BTBD9: variants seen among roughly 807,000 people sequenced by gnomAD.
The protein encoded by BTBD9 is BTB domain containing 9.
Under a neutral mutation model 64.3 loss-of-function variants are expected in BTBD9, and 49 were observed. The observed-to-expected ratio is 0.76, with a 90% CI of 0.61 to 0.97. The LOEUF (loss-of-function observed/expected upper bound fraction) is 0.97. Ranked by LOEUF, BTBD9 falls within the 50% of genes least tolerant of loss-of-function variation. The pLI, the probability that BTBD9 is intolerant of heterozygous loss-of-function variation, is 0.00. For synonymous variants in BTBD9, 260 were observed against 274.7 expected, an observed-to-expected ratio of 0.95 and a Z score of 0.53; for missense variants, 598 against 762.1, an observed-to-expected ratio of 0.78 and a Z score of 2.53.
intron 6 of BTBD9, among the ~76,000 whole-genome samples, chr6:38,375,605 T>C (rs998038169): frequency 6.6e-6 from 1 of 152,180 alleles, no homozygotes; most frequent in African/African-American, 2.4e-5. Context: ...CTGACAACAA[T>C]ATCAGATCTT....
intron 7 of BTBD9, among the ~76,000 whole-genome samples, chr6:38,342,535 C>CAAAAAA (rs762825969): frequency 1.8e-5 from 1 of 54,864 alleles, no homozygotes; most frequent in Non-Finnish European, 4.2e-5. Context: ...GACTCTGTCT[C>CAAAAAA]AAAAAAAAAA....
chr6:38,586,267 A>AAG (rs1296388653), intron 4 of BTBD9, among the ~76,000 whole-genome samples: 1 of 152,160 alleles, frequency 6.6e-6, no homozygotes, highest in Non-Finnish European at 1.5e-5. Flanking sequence ...CAAATATCCT[A>AAG]AGAAAAAAAA....
chr6:38,281,081 T>C (rs1761496580), intron 8 of BTBD9, among the ~76,000 whole-genome samples: 2 of 152,200 alleles, frequency 1.3e-5, no homozygotes, highest in South Asian at 2.1e-4. Flanking sequence ...AAAACATTAT[T>C]TGAGTCATTA....
chr6:38,344,433 TC>T lies in BTBD9; in HGVS notation c.1264+550del, dbSNP rs1764206518. ...ATAACTTGACTTTTGCAATGACAAT[TC>T]AAAAGTGACAATTCAGTCACTTTGG... On this transcript the variant is annotated intron_variant, in intron 7 of 10. Transcript: ENST00000481247. 2.0e-5 allele frequency among the ~76,000 whole-genome samples: 3 copies of T among 148,232 alleles called. No homozygotes were observed. In the South Asian group the frequency reaches 8.1e-4, roughly 40 times the overall value.
Position 38,580,405 on chromosome 6 carries a change from CAT to C in BTBD9, c.845_846del (p.Tyr282TrpfsTer17), listed in dbSNP as rs1776234468. On this transcript the variant is annotated frameshift_variant, in exon 5 of 11. Coordinates refer to ENST00000481247, the MANE Select transcript of BTBD9 (RefSeq NM_001099272.2). LOFTEE classifies it high-confidence loss of function. ...IPEENIATMK[Y>X]GAQVVKGELK... ...AGCTCCCCCTTTACAACTTGGGCTC[CAT>C]ACTTCATAGTTGCAATGTTTTCTTC... The C allele has an allele frequency of 6.2e-7, 1 of 1,613,994 alleles. No individual in the cohort carries two copies.
intron 1 of BTBD9, among the ~76,000 whole-genome samples, chr6:38,636,223 G>T (rs1778520863): frequency 6.6e-6 from 1 of 152,180 alleles, no homozygotes. Context: ...GCATAACAGA[G>T]ATTTGACCTG....
intron 6 of BTBD9, among the ~76,000 whole-genome samples, chr6:38,560,072 T>G (rs573198909): frequency 2.0e-5 from 3 of 152,072 alleles, no homozygotes; most frequent in African/African-American, 7.2e-5. Context: ...AAAACTGACA[T>G]GTAGGACCTA....
intron 6 of BTBD9, among the ~76,000 whole-genome samples, chr6:38,490,126 T>C (rs537715952): frequency 2.0e-5 from 3 of 152,276 alleles, no homozygotes; most frequent in Admixed American, 6.5e-5. Flanking sequence ...CCACTCAGTG[T>C]TGGCCAGATG....
intron 6 of BTBD9, among the ~76,000 whole-genome samples, chr6:38,380,512 C>G (rs538319986): frequency 6.0e-4 from 91 of 152,168 alleles, no homozygotes; most frequent in Non-Finnish European, 1.1e-3. Flanking sequence ...GGAAATAACT[C>G]TCTTCTAACA....
intron 9 of BTBD9, among the ~76,000 whole-genome samples, chr6:38,250,030 G>T (rs1333212262): frequency 6.6e-6 from 1 of 152,126 alleles, no homozygotes; most frequent in Non-Finnish European, 1.5e-5. Context: ...CCATTCAGGG[G>T]TAATTTTTTA....
At chr6:38,244,890 C>T (rs1764128660) in intron 9 of BTBD9, among the ~76,000 whole-genome samples, 1 of 152,200 alleles carries the variant, frequency 6.6e-6, no homozygotes, top group Non-Finnish European at 1.5e-5. Context: ...TTTACAAGGA[C>T]TACATCACCA....
rs145454935 is a variant in BTBD9 at position 38,251,956 on chromosome 6, C to T, written c.1562+4453G>A. On this transcript the variant is annotated intron_variant, in intron 9 of 10. Coordinates refer to ENST00000481247, the MANE Select transcript of BTBD9 (RefSeq NM_001099272.2). ...GTGCAGGTCAAAGGGTACAGGATTA[C>T]ACTGTATGAAGAAAGAGGGGTAAAA... Among the ~76,000 whole-genome samples the T allele has an allele frequency of 1.4e-3, 205 of 150,562 alleles. 1 individual carries two copies. The highest frequency in any genetic ancestry group is 4.7e-3 in the African/African-American group (191 of 40,984).
intron 8 of BTBD9, among the ~76,000 whole-genome samples, chr6:38,257,263 A>G (rs1931764): frequency 0.56 from 84,364 of 151,266 alleles, 24,059 homozygotes; most frequent in African/African-American, 0.67. Context: ...GACTGCAGGG[A>G]TATGATCATA....
At chr6:38,420,316 C>T (rs904499887) in intron 6 of BTBD9, among the ~76,000 whole-genome samples, 13 of 152,134 alleles carry the variant, frequency 8.5e-5, no homozygotes, top group African/African-American at 3.1e-4. Flanking sequence ...CAGAGTGGCA[C>T]TGAAACGCTT....
intron 8 of BTBD9, among the ~76,000 whole-genome samples, chr6:38,257,399 G>C (rs1275429274): frequency 6.6e-6 from 1 of 151,688 alleles, no homozygotes; most frequent in Non-Finnish European, 1.5e-5. Flanking sequence ...GTCTCGCTAT[G>C]TTGCCCAGGC....
chr6:38,451,637 T>C (rs1232724453), intron 6 of BTBD9, among the ~76,000 whole-genome samples: 2 of 152,158 alleles, frequency 1.3e-5, no homozygotes, highest in African/African-American at 4.8e-5. Context: ...GGTGACCACA[T>C]ATGAAGACGA....
chr6:38,218,882 G>T (rs920114653), intron 9 of BTBD9, among the ~76,000 whole-genome samples: 10 of 152,164 alleles, frequency 6.6e-5, no homozygotes, highest in Non-Finnish European at 1.3e-4. Context: ...CATTTTATCT[G>T]ATATGGGAAG....
chr6:38,488,141 G>C (rs1016815055), intron 6 of BTBD9, among the ~76,000 whole-genome samples: 2 of 151,902 alleles, frequency 1.3e-5, no homozygotes, highest in African/African-American at 4.8e-5. Flanking sequence ...ATTTTTTGTA[G>C]AGACAGTGTC....
At chr6:38,284,331 C>T (rs1299226449) in intron 8 of BTBD9, among the ~76,000 whole-genome samples, 2 of 152,124 alleles carry the variant, frequency 1.3e-5, no homozygotes, top group African/African-American at 4.8e-5. Context: ...ACTTTCATTC[C>T]ACATTTTAAA....
Sources: allele counts gnomAD v4.1 joint callset (sites outside exome capture counted in the v4.1 genomes callset), GRCh38; gene constraint gnomAD v4.1.1; transcripts MANE v1.5; gene names NCBI Gene and HGNC (gene_info 2026-07-23, HGNC 2026-07-21).